Variants in TMEM132B observed in about 807,000 individuals in gnomAD.
TMEM132B encodes transmembrane protein 132B.
In TMEM132B, 18 loss-of-function variants were observed where a neutral mutation model predicts 90.8. That is an observed-to-expected ratio of 0.20 (90% CI 0.14 to 0.29). The LOEUF is 0.29. Among genes scored for constraint, TMEM132B ranks in the 10% least tolerant of loss-of-function variants. The pLI, the probability that TMEM132B is intolerant of heterozygous loss-of-function variation, is 1.00. For synonymous variants in TMEM132B, 504 were observed against 523.3 expected, an observed-to-expected ratio of 0.96 and a Z score of 0.50; for missense variants, 1,096 against 1,326.8, an observed-to-expected ratio of 0.83 and a Z score of 2.70.
chr12:125,591,529 A>G (rs1006599033), intron 5 of TMEM132B, among the ~76,000 whole-genome samples: 11 of 152,188 alleles, frequency 7.2e-5, no homozygotes, highest in African/African-American at 2.4e-4. Context: ...CCTTAACTTA[A>G]TGACATCTGT....
intron 1 of TMEM132B, among the ~76,000 whole-genome samples, chr12:125,227,821 A>G (rs1011874541): frequency 1.3e-5 from 2 of 151,872 alleles, no homozygotes; most frequent in Non-Finnish European, 2.9e-5. Flanking sequence ...AGTACCAGGA[A>G]TGAATGACCT....
intron 1 of TMEM132B, chr12:125,326,789 AGTTGCCT>A (rs1486837970): frequency 9.2e-7 from 1 of 1,084,706 alleles, no homozygotes; most frequent in African/African-American, 1.6e-5. Flanking sequence ...TTCTTGAAAG[AGTTGCCT>A]GTTCTCCGTG....
intron 5 of TMEM132B, chr12:125,587,413 G>A (rs1047569684): frequency 2.0e-5 from 3 of 152,130 alleles, no homozygotes; most frequent in African/African-American, 7.2e-5. Flanking sequence ...GGGGGTGCGG[G>A]GAGGGTCTGC....
At chr12:125,432,489 ATGTGTATATATATGTGTGTGTG>A (rs1566034782) in intron 3 of TMEM132B, among the ~76,000 whole-genome samples, 673 of 64,160 alleles carry the variant, frequency 0.01, 184 homozygotes, top group African/African-American at 0.036. Context: ...ATATATATGT[ATGTGTATATATATGTGTGTGTG>A]TATATATATA....
chr12:125,571,024 T>TAA (rs1389322703), intron 4 of TMEM132B, among the ~76,000 whole-genome samples: 1 of 152,206 alleles, frequency 6.6e-6, no homozygotes, highest in Non-Finnish European at 1.5e-5. Flanking sequence ...TTTGTATCTA[T>TAA]AAAATATATT....
chr12:125,511,721 G>A (rs993849167), intron 3 of TMEM132B, among the ~76,000 whole-genome samples: 2 of 151,686 alleles, frequency 1.3e-5, no homozygotes, highest in African/African-American at 2.4e-5. Flanking sequence ...GTGTGGTGGC[G>A]GGCGCCTGTA....
chr12:125,508,780 CTTTTT>C (rs756913141), intron 3 of TMEM132B, among the ~76,000 whole-genome samples: 1 of 135,972 alleles, frequency 7.4e-6, no homozygotes, highest in Non-Finnish European at 1.6e-5. Flanking sequence ...TTCTTTCTTT[CTTTTT>C]TTTTTTTTTT....
At chr12:125,270,449 A>C (rs543420728) in intron 1 of TMEM132B, among the ~76,000 whole-genome samples, 35 of 152,286 alleles carry the variant, frequency 2.3e-4, no homozygotes, top group African/African-American at 7.7e-4. Flanking sequence ...GGAAGCTGAT[A>C]ATAAGGGCTT....
In TMEM132B at chr12:125,342,171, A is replaced by G. The variant is rs566950652; in HGVS notation, c.68-7281A>G. Among the ~76,000 whole-genome samples, 11 of 152,282 alleles carry G rather than the reference A, an allele frequency of 7.2e-5. No individual in the cohort carries two copies. The South Asian group carries it at 1.5e-3, about 20-fold the overall frequency. ...CCCACCTTTTAGGTTTTTACCTTAT[A>G]CACCGCTCTAGGATCTTCATGTATC... On this transcript the variant is annotated intron_variant, in intron 1 of 8. Coordinates refer to ENST00000682704, the MANE Select transcript of TMEM132B (RefSeq NM_001366854.1).
In TMEM132B at chr12:125,459,324, T is replaced by C. The variant is rs1881376737; in HGVS notation, c.1106+43647T>C. Reference sequence around the variant, plus strand: ...ACACTGCTGCCTCCCACTGTTATCCTGCATGCTTGTCTAGGGTCTTGCTGA... The same window carrying C: ...ACACTGCTGCCTCCCACTGTTATCCCGCATGCTTGTCTAGGGTCTTGCTGA... On this transcript the variant is annotated intron_variant, in intron 3 of 8. Coordinates refer to ENST00000682704, the MANE Select transcript of TMEM132B (RefSeq NM_001366854.1). This position sits in a 1 kb window ranked among gnomAD's most constrained non-coding sequence, Gnocchi z 4.1. 6.6e-6 allele frequency among the ~76,000 whole-genome samples: 1 copy of C among 152,320 alleles called. No homozygotes were observed. The highest frequency in any genetic ancestry group is 2.4e-5 in the African/African-American group (1 of 41,580).
chr12:125,548,980 T>C (rs776758623), intron 4 of TMEM132B, among the ~76,000 whole-genome samples: 1 of 151,254 alleles, frequency 6.6e-6, no homozygotes, highest in Non-Finnish European at 1.5e-5. Context: ...AGATCTGGGT[T>C]GCATCATGAA....
chr12:125,224,226 T>G (rs1220462529), intron 1 of TMEM132B, among the ~76,000 whole-genome samples: 1 of 152,230 alleles, frequency 6.6e-6, no homozygotes, highest in African/African-American at 2.4e-5. Context: ...TTGGGTTGTT[T>G]TTGCTCTTTG....
Position 125,209,258 on chromosome 12 carries a change from G to A in TMEM132B, c.67+22392G>A, listed in dbSNP as rs542492509. The stretch of plus-strand genomic sequence containing the variant: ...CGCTCTCTTTCTGTAAATGAATGTT[G>A]GGGAGCCTGGCCTGCTGGGTGAGGC... On this transcript the variant is annotated intron_variant, in intron 1 of 8. Transcript: ENST00000682704. The surrounding 1 kb of genome is among the most constrained non-coding windows in gnomAD (Gnocchi z 4.4). Among the ~76,000 whole-genome samples the A allele has an allele frequency of 2.6e-5, 4 of 152,314 alleles. No homozygotes were observed. The highest frequency in any genetic ancestry group is 9.6e-5 in the African/African-American group (4 of 41,566).
chr12:125,652,146 A>G (rs1886937810), intron 7 of TMEM132B, among the ~76,000 whole-genome samples: 1 of 152,258 alleles, frequency 6.6e-6, no homozygotes, highest in Non-Finnish European at 1.5e-5. Context: ...AGTACCTAAT[A>G]TCAATGGACA....
At chr12:125,560,457 G>C (rs1310085024) in intron 4 of TMEM132B, among the ~76,000 whole-genome samples, 1 of 152,112 alleles carries the variant, frequency 6.6e-6, no homozygotes, top group African/African-American at 2.4e-5. Context: ...CTTCATCACT[G>C]GTCATTAGAG....
chr12:125,637,660 A>G (rs1266716173), intron 5 of TMEM132B, among the ~76,000 whole-genome samples: 3 of 152,224 alleles, frequency 2.0e-5, no homozygotes, highest in African/African-American at 7.2e-5. Context: ...ATTGTGGCTG[A>G]AAGCAACCAG....
At chr12:125,586,829 G>C (rs1474966615) in intron 5 of TMEM132B, 3 of 152,302 alleles carry the variant, frequency 2.0e-5, no homozygotes, top group Middle Eastern at 3.4e-3. Flanking sequence ...TCTTTTAAGT[G>C]AAAAGGTGAG....
intron 4 of TMEM132B, among the ~76,000 whole-genome samples, chr12:125,521,175 GA>G (rs1883297321): frequency 6.6e-6 from 1 of 152,150 alleles, no homozygotes; most frequent in African/African-American, 2.4e-5. Flanking sequence ...TGTGGGTTTG[GA>G]AGCTACCACT....
At position 125,280,614 on chromosome 12, in the gene TMEM132B, A is replaced by C. The variant is rs543797336; in HGVS notation, c.68-68838A>C. Among the ~76,000 whole-genome samples the C allele has an allele frequency of 1.4e-4, 21 of 152,308 alleles. No homozygotes were observed. In the East Asian group the frequency reaches 3.7e-3, roughly 27 times the overall value. ...CCGTCTTCACTTGCTGTGGGATGTC[A>C]GGGCGCTGGGAGCAGATGCTGCTGC... On this transcript the variant is annotated intron_variant, in intron 1 of 8. Coordinates refer to ENST00000682704, the MANE Select transcript of TMEM132B (RefSeq NM_001366854.1).
Sources: allele counts gnomAD v4.1 joint callset (sites outside exome capture counted in the v4.1 genomes callset), GRCh38; gene constraint gnomAD v4.1.1; non-coding constraint Gnocchi (gnomAD v3.1); transcripts MANE v1.5; gene names NCBI Gene and HGNC (gene_info 2026-07-23, HGNC 2026-07-21).